MYO15A: variants seen among roughly 807,000 people sequenced by gnomAD.
MYO15A encodes unconventional myosin-XV.
A neutral mutation model predicts 394.6 loss-of-function variants in MYO15A; 308 were observed. The observed-to-expected ratio is 0.78, with a 90% confidence interval of 0.71 to 0.86. The LOEUF (loss-of-function observed/expected upper bound fraction) is 0.86, where lower values mean the gene tolerates loss of function less well. Ranked by LOEUF, MYO15A falls within the 40% of genes least tolerant of loss-of-function variation. The pLI is 0.00. For missense variants in MYO15A, 4,606 were observed against 4,799.1 expected (o/e 0.96, Z 1.19); for synonymous variants, 1,957 against 2,003.8 (o/e 0.98, Z 0.62).
Position 18,127,180 on chromosome 17 carries a change from C to T in MYO15A, c.4032+15C>T, listed in dbSNP as rs2046062536. ...TCATGCAGCAGGTGAGTCTACCTGT[C>T]TCCCCAGGACCCTAGGCTGAACACC... On this transcript the variant is annotated intron_variant, in intron 7 of 65. Transcript: ENST00000647165. 1 of 1,613,686 alleles carries T rather than the reference C, an allele frequency of 6.2e-7. No homozygotes were observed. The highest frequency in any genetic ancestry group is 1.3e-5 in the African/African-American group (1 of 75,030).
At chr17:18,115,229 G>A (rs113455738) in intron 1 of MYO15A, among the ~76,000 whole-genome samples, 2 of 152,196 alleles carry the variant, frequency 1.3e-5, no homozygotes, top group African/African-American at 4.8e-5. Flanking sequence ...GCAGCCTGGT[G>A]CAGGAGGACC....
chr17:18,134,875 G>A (rs752872489), intron 12 of MYO15A, among the ~76,000 whole-genome samples: 2 of 151,516 alleles, frequency 1.3e-5, no homozygotes, highest in African/African-American at 2.4e-5. Context: ...TCTTTTAATC[G>A]GCTTTTTTTT....
chr17:18,115,263 C>G (rs2045769590), intron 1 of MYO15A, among the ~76,000 whole-genome samples: 1 of 152,192 alleles, frequency 6.6e-6, no homozygotes. Context: ...CCATGCTGGC[C>G]TCCCTGCCTT....
chr17:18,157,519 T>C, intron 50 of MYO15A: 1 of 1,146,046 alleles, frequency 8.7e-7, no homozygotes, highest in Non-Finnish European at 1.2e-6. Flanking sequence ...TTGCTTCACT[T>C]CCCCTTTATG....
chr17:18,151,384 C>CT lies in MYO15A; in HGVS notation c.7655-9dup. The CT allele has an allele frequency of 6.2e-7, 1 of 1,614,228 alleles. No individual in the cohort carries two copies. The highest frequency in any genetic ancestry group is 1.1e-5 in the South Asian group (1 of 91,086). ...GCCTCACCCTGTTCCCACCGCGCCC[C>CT]TTGCCCACAGCTTCACCCTCCCCAG... On this transcript the variant is annotated splice_polypyrimidine_tract_variant and intron_variant, in intron 39 of 65. Coordinates refer to ENST00000647165, the MANE Select transcript of MYO15A (RefSeq NM_016239.4).
Position 18,145,894 on chromosome 17 carries a change from C to G in MYO15A, c.6296C>G (p.Pro2099Arg), listed in dbSNP as rs771838274. ...FKLILRFMGD[P>R]HLHGARENIF... ...CAGATCCTGCGCTTCATGGGCGACC[C>G]CCACCTGCATGGTGCCCGGGAGAAC... The change falls in exon 30 of 66, where the codon CCC (proline) becomes CGC (arginine). Residue 2099 changes from proline (P) to arginine (R), a missense_variant. Transcript: ENST00000647165. 1 of 1,613,316 alleles carries G rather than the reference C, an allele frequency of 6.2e-7. No homozygotes were observed. The highest frequency in any genetic ancestry group is 1.7e-5 in the Admixed American group (1 of 59,992).
chr17:18,119,338 A>G lies in MYO15A; in HGVS notation c.538A>G (p.Ile180Val), dbSNP rs1055364730. Residue 180 changes from isoleucine (I) to valine (V), a missense_variant, in exon 2 of 66, where the codon ATC (isoleucine) becomes GTC (valine). Coordinates refer to ENST00000647165, the MANE Select transcript of MYO15A (RefSeq NM_016239.4). Reference protein sequence around the residue: ...RKLPFPSGAEILRPGGRLRRF... With the variant: ...RKLPFPSGAEVLRPGGRLRRF... ...ACTCCCCTTCCCGTCGGGTGCCGAG[A>G]TCCTGCGGCCTGGGGGCCGGCTCCG... 1.9e-6 allele frequency: 3 copies of G among 1,609,280 alleles called. No individual in the cohort carries two copies. The African/African-American group carries it at 4.0e-5, about 22-fold the overall frequency.
Position 18,120,162 on chromosome 17 carries a change from C to CT in MYO15A, c.1362_1363insT (p.Ala455CysfsTer11). 1 of 1,612,932 alleles carries CT rather than the reference C, an allele frequency of 6.2e-7. No individual in the cohort carries two copies. Among genetic ancestry groups the CT allele is most frequent in the Non-Finnish European group, 8.5e-7 (1 of 1,179,994 alleles). ...AGGGGACCTCCTTCCGCCTGCCCAGCGCCGCCTTCTTCGAGCAGCAAGGCA... is the reference window on the plus strand; with the variant it reads ...AGGGGACCTCCTTCCGCCTGCCCAGCTGCCGCCTTCTTCGAGCAGCAAGGCA... On this transcript the variant is annotated frameshift_variant, in exon 2 of 66. Transcript: ENST00000647165. LOFTEE classifies it high-confidence loss of function.
rs567980110 is a variant in MYO15A at position 18,127,320 on chromosome 17, C to A, written c.4032+155C>A. ...TTGCCCAGGGCTGCTTTTTCTGCCA[C>A]CCTTCCCAGGGGTGTGCCTGAGGGG... On this transcript the variant is annotated intron_variant, in intron 7 of 65. Coordinates refer to ENST00000647165, the MANE Select transcript of MYO15A (RefSeq NM_016239.4). 2.0e-5 allele frequency among the ~76,000 whole-genome samples: 3 copies of A among 152,330 alleles called. No individual in the cohort carries two copies. The South Asian group carries it at 6.2e-4, about 32-fold the overall frequency.
Position 18,166,446 on chromosome 17 carries a change from C to T in MYO15A, c.9873C>T (p.Leu3291=), listed in dbSNP as rs146865523. The change falls in exon 61 of 66, where the codon CTC becomes CTT. Residue 3291 remains leucine (L), a synonymous_variant. Coordinates refer to ENST00000647165, the MANE Select transcript of MYO15A (RefSeq NM_016239.4). ...EMEQVDGGYM[L]WFRRVLWDQP... is the part of the protein sequence containing the mutation. Reference sequence around the variant, plus strand: ...AGCAGGTGGACGGCGGCTACATGCTCTGGTTCCGGCGTGTGCTCTGGGATC... The same window carrying T: ...AGCAGGTGGACGGCGGCTACATGCTTTGGTTCCGGCGTGTGCTCTGGGATC... 286 of 1,614,088 alleles carry T rather than the reference C, an allele frequency of 1.8e-4. 2 individuals carry two copies. The East Asian group carries it at 5.3e-3, about 30-fold the overall frequency.
In MYO15A at chr17:18,119,592, C is replaced by T. The variant is rs372139040; in HGVS notation, c.792C>T (p.Leu264=). ...AGCAGGAACCCTACCTGGCGGGCCT[C>T]GGCCCCTACAGCCCGGCCTGGCCAC... ...YEEQEPYLAG[L]GPYSPAWPPY... is the part of the protein sequence containing the mutation. The change falls in exon 2 of 66, where the codon CTC becomes CTT. Residue 264 remains leucine (L), a synonymous_variant. Coordinates refer to ENST00000647165, the MANE Select transcript of MYO15A (RefSeq NM_016239.4). The T allele has an allele frequency of 5.6e-6, 9 of 1,604,390 alleles. No homozygotes were observed. In the African/African-American group the frequency reaches 9.3e-5, roughly 17 times the overall value.
At chr17:18,131,067 G>A (rs2046152965) in intron 8 of MYO15A, among the ~76,000 whole-genome samples, 172 bp from the exon 9 acceptor site, 1 of 151,860 alleles carries the variant, frequency 6.6e-6, no homozygotes, top group East Asian at 1.9e-4. Context: ...GGGAAACACT[G>A]GGGGGCACTG....
intron 1 of MYO15A, among the ~76,000 whole-genome samples, chr17:18,112,068 T>G (rs936009295): frequency 6.6e-6 from 1 of 152,240 alleles, no homozygotes; most frequent in Non-Finnish European, 1.5e-5. Flanking sequence ...AGGCAGGACT[T>G]GGGCAAGCCC....
At chr17:18,151,325 G>T in intron 39 of MYO15A, 35 bp downstream of exon 39, 1 of 1,614,196 alleles carries the variant, frequency 6.2e-7, no homozygotes, top group Non-Finnish European at 8.5e-7. Context: ...GGGCTTCCCA[G>T]GACAGGCCTG....
In MYO15A at chr17:18,119,656, C is replaced by T. The variant is rs1387956804; in HGVS notation, c.856C>T (p.Pro286Ser). Residue 286 changes from proline to serine, a missense_variant, in exon 2 of 66, where the codon CCC (proline) becomes TCC (serine). Pro to Ser is a moderately conservative substitution (Grantham distance 74). Transcript: ENST00000647165. ...CTACTACGGGTACCCGCCCGAGGAT[C>T]CCTACGACTACTACCACCCCGACTA... Reference protein sequence around the residue: ...DHYYGYPPEDPYDYYHPDYYG... With the variant: ...DHYYGYPPEDSYDYYHPDYYG... 1 of 1,604,760 alleles carries T rather than the reference C, an allele frequency of 6.2e-7. No individual in the cohort carries two copies. The highest frequency in any genetic ancestry group is 1.7e-5 in the Admixed American group (1 of 60,018).
In MYO15A at chr17:18,121,465, C is replaced by T. The variant is rs1477837470; in HGVS notation, c.2665C>T (p.Leu889=). The T allele has an allele frequency of 1.3e-6, 2 of 1,549,782 alleles. No homozygotes were observed. The highest frequency in any genetic ancestry group is 1.7e-6 in the Non-Finnish European group (2 of 1,147,134). ...TCGGGCTGTGAAGCCGCAAGTGCGC[C>T]TGCCCTTCCACCGACCGCCCAGGGC... is the stretch of plus-strand genomic sequence containing the variant. ...PTRAVKPQVR[L]PFHRPPRAGA... is the part of the protein sequence containing the mutation. The change falls in exon 2 of 66, where the codon CTG becomes TTG. Residue 889 remains leucine (L), a synonymous_variant. Transcript: ENST00000647165. This position sits in a 1 kb window ranked among gnomAD's most constrained non-coding sequence, Gnocchi z 5.3.
At chr17:18,143,485 G>A in intron 25 of MYO15A, 81 bp from the exon 26 acceptor site, 1 of 1,503,830 alleles carries the variant, frequency 6.6e-7, no homozygotes, top group Non-Finnish European at 9.0e-7. Context: ...TGGCCGCCTT[G>A]CGTAAGCTGG....
intron 65 of MYO15A, chr17:18,178,325 G>A (rs1396027829): frequency 2.1e-5 from 6 of 280,040 alleles, no homozygotes; most frequent in East Asian, 8.5e-5. Flanking sequence ...AGCCGAGATC[G>A]CGCCATTGCA....
In MYO15A at chr17:18,161,450, G is replaced by A. The variant is rs727503319; in HGVS notation, c.9517+3G>A. On this transcript the variant is annotated splice_donor_region_variant and intron_variant, in intron 57 of 65. Transcript: ENST00000647165. Reference sequence around the variant, plus strand: ...GACCCCAGGCCTGCCCTTTCAGGGTGAGAGGTCAATGAGTGGGAACCCAGG... The same window carrying A: ...GACCCCAGGCCTGCCCTTTCAGGGTAAGAGGTCAATGAGTGGGAACCCAGG... 4 of 1,613,534 alleles carry A rather than the reference G, an allele frequency of 2.5e-6. No individual in the cohort carries two copies. In the South Asian group the frequency reaches 4.4e-5, roughly 18 times the overall value.
Sources: allele counts gnomAD v4.1 joint callset (sites outside exome capture counted in the v4.1 genomes callset), GRCh38; gene constraint gnomAD v4.1.1; non-coding constraint Gnocchi (gnomAD v3.1); transcripts MANE v1.5; gene names NCBI Gene and HGNC (gene_info 2026-07-23, HGNC 2026-07-21).